The following RAPGEF4 variants were observed in gnomAD, a reference collection of about 807,000 sequenced individuals.
RAPGEF4 encodes the protein Rap guanine nucleotide exchange factor 4, also known as RAP guanine-nucleotide-exchange factor (GEF) 4.
Under a neutral mutation model 147.9 loss-of-function variants are expected in RAPGEF4, and 66 were observed. The ratio of observed to expected loss-of-function variants is 0.45; its 90% CI spans 0.37 to 0.55. The LOEUF is 0.55. Ranked by LOEUF, RAPGEF4 falls within the 20% of genes least tolerant of loss-of-function variation. The pLI is 0.00. For synonymous variants in RAPGEF4, 419 were observed against 442.7 expected, an observed-to-expected ratio of 0.95 and a Z score of 0.67; for missense variants, 1,071 against 1,257.3, an observed-to-expected ratio of 0.85 and a Z score of 2.24.
At chr2:172,948,231 T>C (rs1350952380) in intron 6 of RAPGEF4, among the ~76,000 whole-genome samples, 1 of 152,214 alleles carries the variant, frequency 6.6e-6, no homozygotes, top group African/African-American at 2.4e-5. Flanking sequence ...AGTGAATGTA[T>C]GTACAATATT....
rs772393278 is a variant in RAPGEF4, at chr2:173,027,062, G to A, written c.2380-19G>A. On this transcript the variant is annotated intron_variant, in intron 24 of 30. Coordinates refer to ENST00000397081, the MANE Select transcript of RAPGEF4 (RefSeq NM_007023.4). ...GATTTAAAAAAAAATAAGCAAAATT[G>A]TTTTCCTTTATTTTCTAGCTGGAGC... is the stretch of plus-strand genomic sequence containing the variant. 7.1e-6 allele frequency: 11 copies of A among 1,559,468 alleles called. No homozygotes were observed. In the South Asian group the frequency reaches 1.1e-4, roughly 15 times the overall value.
At chr2:172,795,642 A>G (rs1268884347) in intron 2 of RAPGEF4, among the ~76,000 whole-genome samples, 1 of 152,240 alleles carries the variant, frequency 6.6e-6, no homozygotes, top group Non-Finnish European at 1.5e-5. Flanking sequence ...TCATTAAAGA[A>G]GTAATAGTTC....
chr2:172,773,649 C>T (rs1350022488), intron 1 of RAPGEF4, among the ~76,000 whole-genome samples: 2 of 151,840 alleles, frequency 1.3e-5, no homozygotes, highest in Non-Finnish European at 2.9e-5. Context: ...ACACTGCCCC[C>T]CCCGCGGACC....
chr2:173,004,448 C>T (rs1694246111), intron 17 of RAPGEF4, among the ~76,000 whole-genome samples: 1 of 152,114 alleles, frequency 6.6e-6, no homozygotes, highest in Non-Finnish European at 1.5e-5. Context: ...CTGTATATAA[C>T]CCTATAACCT....
At chr2:172,847,547 C>A (rs761835695) in intron 4 of RAPGEF4, among the ~76,000 whole-genome samples, 2 of 152,116 alleles carry the variant, frequency 1.3e-5, no homozygotes, top group Non-Finnish European at 2.9e-5. Context: ...CGTGTGTATT[C>A]CTGTGGGACA....
chr2:172,786,254 C>A (rs571937923), intron 1 of RAPGEF4, among the ~76,000 whole-genome samples: 1 of 152,210 alleles, frequency 6.6e-6, no homozygotes, highest in African/African-American at 2.4e-5. Flanking sequence ...TATTCAACTA[C>A]CGTGTGTAGT....
chr2:172,954,340 C>T (rs1289754500), intron 6 of RAPGEF4, among the ~76,000 whole-genome samples: 7 of 152,122 alleles, frequency 4.6e-5, no homozygotes, highest in African/African-American at 1.7e-4. Context: ...GCTTTGCAAC[C>T]TCAATTCTCT....
chr2:173,020,486 G>A lies in RAPGEF4; in HGVS notation c.2156-132G>A. 6.4e-6 allele frequency: 5 copies of A among 785,434 alleles called. No individual in the cohort carries two copies. In the South Asian group the frequency reaches 7.0e-5, roughly 11 times the overall value. 48.7% of individuals were successfully genotyped at this position (785,434 alleles called of 1,614,324 possible). A position where few individuals can be genotyped will look rare whatever the true frequency, so the allele number is the denominator to read the frequency against. ...CTTTTTTATTCCGTGGATCCCTTCA[G>A]TACTCTATTTTATGCAGTCACTCTG... On this transcript the variant is annotated intron_variant, in intron 22 of 30. Transcript: ENST00000397081.
At chr2:173,035,382 G>A (rs184338229) in intron 27 of RAPGEF4, among the ~76,000 whole-genome samples, 14 of 151,888 alleles carry the variant, frequency 9.2e-5, no homozygotes, top group African/African-American at 1.9e-4. Context: ...CTGGTGGCAA[G>A]CACCTGTAGT....
intron 4 of RAPGEF4, among the ~76,000 whole-genome samples, chr2:172,917,257 CA>C (rs1290728461): frequency 6.6e-6 from 1 of 152,178 alleles, no homozygotes; most frequent in Admixed American, 6.5e-5. Context: ...TGACACATAG[CA>C]AAAGTTCTTT....
intron 10 of RAPGEF4, among the ~76,000 whole-genome samples, chr2:172,978,948 T>C (rs1468571995): frequency 6.6e-6 from 1 of 152,212 alleles, no homozygotes; most frequent in East Asian, 1.9e-4. Context: ...GTGCTGCTTG[T>C]TGGTCCTGAA....
intron 4 of RAPGEF4, among the ~76,000 whole-genome samples, chr2:172,868,195 A>T (rs1395457381): frequency 6.6e-6 from 1 of 152,218 alleles, no homozygotes; most frequent in Admixed American, 6.5e-5. Context: ...CCCAGTAATC[A>T]ATCTCAGAAA....
At chr2:172,826,941 G>A (rs1384861788) in intron 4 of RAPGEF4, among the ~76,000 whole-genome samples, 2 of 151,724 alleles carry the variant, frequency 1.3e-5, no homozygotes, top group East Asian at 1.9e-4. Flanking sequence ...CTCCAGCCTG[G>A]GTGACAGAGC....
chr2:172,896,403 TACTC>T (rs1426966320), intron 4 of RAPGEF4, among the ~76,000 whole-genome samples: 1 of 152,252 alleles, frequency 6.6e-6, no homozygotes, highest in Non-Finnish European at 1.5e-5. Flanking sequence ...TTAATTCTCT[TACTC>T]ACATTTTGTA....
At chr2:172,854,529 A>G (rs1186259992) in intron 4 of RAPGEF4, among the ~76,000 whole-genome samples, 1 of 151,946 alleles carries the variant, frequency 6.6e-6, no homozygotes, top group Non-Finnish European at 1.5e-5. Context: ...CATTCTGACA[A>G]TTTCTGTTTT....
chr2:172,761,770 G>A (rs138060848), intron 1 of RAPGEF4, among the ~76,000 whole-genome samples: 13 of 152,280 alleles, frequency 8.5e-5, no homozygotes, highest in African/African-American at 2.6e-4. Flanking sequence ...AGATCAGTGG[G>A]TGCTAGAATG....
chr2:172,972,569 C>G (rs1039035897), intron 10 of RAPGEF4, among the ~76,000 whole-genome samples: 1 of 152,208 alleles, frequency 6.6e-6, no homozygotes, highest in African/African-American at 2.4e-5. Flanking sequence ...TTTGGCGTCA[C>G]AAGTGAAAGC....
chr2:173,050,453 C>T (rs1316898446), intron 30 of RAPGEF4, among the ~76,000 whole-genome samples: 3 of 152,164 alleles, frequency 2.0e-5, no homozygotes, highest in Non-Finnish European at 4.4e-5. Context: ...CACTCCCCTT[C>T]ACCCCTTGTG....
chr2:172,993,895 G>C lies in RAPGEF4; in HGVS notation c.1491-2571G>C, dbSNP rs954279009. ...TCTTTGGTAGCAAAAGAAAGATCCTGGGGGTCTCCGACTGGCCAGGTGGGC... is the reference window on the plus strand; with the variant it reads ...TCTTTGGTAGCAAAAGAAAGATCCTCGGGGTCTCCGACTGGCCAGGTGGGC... On this transcript the variant is annotated intron_variant, in intron 15 of 30. Coordinates refer to ENST00000397081, the MANE Select transcript of RAPGEF4 (RefSeq NM_007023.4). Among the ~76,000 whole-genome samples the C allele has an allele frequency of 1.4e-4, 21 of 152,196 alleles. 1 individual carries two copies. The highest frequency in any genetic ancestry group is 8.5e-4 in the Admixed American group (13 of 15,272).
Sources: gnomAD v4.1 joint callset for allele counts (sites outside exome capture counted in the v4.1 genomes callset) on GRCh38, gnomAD v4.1.1 for gene constraint, MANE v1.5 for transcripts, NCBI Gene and HGNC (gene_info 2026-07-23, HGNC 2026-07-21) for gene names.